The following JAZF1 variants were observed in gnomAD, a reference collection of about 807,000 sequenced individuals.
JAZF1 encodes JAZF zinc finger 1, also known as juxtaposed with another zinc finger protein 1.
JAZF1 carries 8 observed loss-of-function variants against 26.4 expected under a neutral mutation model. That is an observed-to-expected ratio of 0.30 (90% CI 0.18 to 0.55). The LOEUF (loss-of-function observed/expected upper bound fraction) is 0.55, where lower values mean the gene tolerates loss of function less well. Among genes scored for constraint, JAZF1 ranks in the 20% least tolerant of loss-of-function variants. JAZF1 has a pLI of 0.94. For missense variants in JAZF1, 199 were observed against 322.0 expected (o/e 0.62, Z 2.92); for synonymous variants, 126 against 122.3 (o/e 1.03, Z -0.20).
intron 2 of JAZF1, among the ~76,000 whole-genome samples, chr7:27,919,715 C>T (rs1784498439): frequency 6.6e-6 from 1 of 152,212 alleles, no homozygotes; most frequent in African/African-American, 2.4e-5. Context: ...TATTTGACTA[C>T]AGGAGTGCTC....
intron 2 of JAZF1, among the ~76,000 whole-genome samples, chr7:27,934,524 G>A (rs1323673224): frequency 6.6e-6 from 1 of 151,962 alleles, no homozygotes; most frequent in Non-Finnish European, 1.5e-5. Flanking sequence ...ATATTACAGT[G>A]TACCAGATTG....
At chr7:27,957,407 C>G (rs6968677) in intron 2 of JAZF1, among the ~76,000 whole-genome samples, 143,893 of 152,306 alleles carry the variant, frequency 0.94, 68,026 homozygotes, top group East Asian at 1. Flanking sequence ...GCAATACCTC[C>G]AGGTAGTTCA....
At chr7:27,893,170 G>A (rs143576208) in intron 3 of JAZF1, among the ~76,000 whole-genome samples, 12 of 152,200 alleles carry the variant, frequency 7.9e-5, no homozygotes, top group South Asian at 6.2e-4. Flanking sequence ...TTAAAGCCCC[G>A]AATTAAAGAA....
intron 1 of JAZF1, among the ~76,000 whole-genome samples, chr7:28,088,357 T>C (rs1021148218): frequency 4.6e-5 from 7 of 152,360 alleles, no homozygotes; most frequent in Admixed American, 2.0e-4. Flanking sequence ...GCTTTCTTAC[T>C]GGCTCCCTGT....
intron 1 of JAZF1, among the ~76,000 whole-genome samples, chr7:28,104,215 C>T (rs568379168): frequency 6.6e-6 from 1 of 152,272 alleles, no homozygotes; most frequent in South Asian, 2.1e-4. Flanking sequence ...TGTGACAACC[C>T]CACACTCCCC....
chr7:27,843,425 C>G (rs376959995), intron 3 of JAZF1: 3 of 152,190 alleles, frequency 2.0e-5, no homozygotes, highest in African/African-American at 7.2e-5. Context: ...GTATAGAATA[C>G]CTGGGATAGG....
At chr7:27,925,988 T>C (rs1317609291) in intron 2 of JAZF1, among the ~76,000 whole-genome samples, 1 of 152,120 alleles carries the variant, frequency 6.6e-6, no homozygotes, top group East Asian at 1.9e-4. Context: ...AGCTGAATAC[T>C]TGGAAGGAAG....
At chr7:28,038,914 T>A (rs558421180) in intron 1 of JAZF1, among the ~76,000 whole-genome samples, 15 of 152,288 alleles carry the variant, frequency 9.8e-5, no homozygotes, top group Admixed American at 2.6e-4. Context: ...GTATGAACTG[T>A]TCCTTTTATC....
At chr7:28,136,972 G>A (rs544294774) in intron 1 of JAZF1, among the ~76,000 whole-genome samples, 2 of 152,296 alleles carry the variant, frequency 1.3e-5, no homozygotes, top group East Asian at 3.9e-4. Flanking sequence ...AAATAGCAAT[G>A]GCCAATGCTG....
At position 28,180,568 on chromosome 7, in the gene JAZF1, T is replaced by C. The variant is rs201758844; in HGVS notation, c.10A>G (p.Ile4Val). 6.0e-5 allele frequency: 95 copies of C among 1,593,800 alleles called. No individual in the cohort carries two copies. The highest frequency in any genetic ancestry group is 3.0e-4 in the East Asian group (13 of 43,770). Residue 4 changes from isoleucine to valine, a missense_variant, in exon 1 of 5, where the codon ATC becomes GTC. Coordinates refer to ENST00000283928, the MANE Select transcript of JAZF1 (RefSeq NM_175061.4). ...TTGGAGAAGAAGGAGGCGGCGGCGA[T>C]GCCTGTCATGGTGCTACATCGAGAG... MTG[I>V]AAASFFSNTC... is the part of the protein sequence containing the mutation.
At chr7:28,060,497 G>C (rs1165512949) in intron 1 of JAZF1, among the ~76,000 whole-genome samples, 1 of 152,114 alleles carries the variant, frequency 6.6e-6, no homozygotes, top group Non-Finnish European at 1.5e-5. Flanking sequence ...CTACCAACCT[G>C]GTACCATTTT....
chr7:27,964,146 GT>G (rs1785233490), intron 2 of JAZF1, among the ~76,000 whole-genome samples: 1 of 152,012 alleles, frequency 6.6e-6, no homozygotes, highest in Non-Finnish European at 1.5e-5. Flanking sequence ...CACAAAAATT[GT>G]TACAAAAATT....
intron 1 of JAZF1, among the ~76,000 whole-genome samples, chr7:28,133,757 A>G (rs112905842): frequency 3.9e-5 from 6 of 152,174 alleles, no homozygotes; most frequent in African/African-American, 1.4e-4. Flanking sequence ...TTCCTCTAAC[A>G]GGTCAACTTG....
chr7:28,115,499 A>T (rs1343091133), intron 1 of JAZF1, among the ~76,000 whole-genome samples: 2 of 152,224 alleles, frequency 1.3e-5, no homozygotes, highest in African/African-American at 4.8e-5. Flanking sequence ...CACTACAGCT[A>T]ATACAAGACC....
At chr7:27,833,789 T>C (rs1254243527) in intron 4 of JAZF1, among the ~76,000 whole-genome samples, 1 of 152,190 alleles carries the variant, frequency 6.6e-6, no homozygotes, top group Non-Finnish European at 1.5e-5. Flanking sequence ...ATATTCTATG[T>C]AAGATTCCGT....
intron 1 of JAZF1, among the ~76,000 whole-genome samples, chr7:28,015,715 G>C (rs1232221644): frequency 1.3e-5 from 2 of 152,186 alleles, no homozygotes; most frequent in East Asian, 3.8e-4. Context: ...CATGTGTTTA[G>C]ATAAGGATAC....
At chr7:28,002,327 G>C (rs1177378130) in intron 1 of JAZF1, among the ~76,000 whole-genome samples, 1 of 152,114 alleles carries the variant, frequency 6.6e-6, no homozygotes, top group Non-Finnish European at 1.5e-5. Flanking sequence ...TGAAAGACGG[G>C]GGGGAAAAAA....
intron 2 of JAZF1, among the ~76,000 whole-genome samples, chr7:27,950,843 A>G (rs1392767681): frequency 6.6e-6 from 1 of 152,144 alleles, no homozygotes; most frequent in African/African-American, 2.4e-5. Context: ...ATAGGACACA[A>G]AATAATTACA....
At chr7:28,079,452 A>C (rs902613347) in intron 1 of JAZF1, among the ~76,000 whole-genome samples, 1 of 152,212 alleles carries the variant, frequency 6.6e-6, no homozygotes, top group African/African-American at 2.4e-5. Context: ...ACACTGATAT[A>C]GAATAAGAAA....
Sources: gnomAD v4.1 joint callset for allele counts (sites outside exome capture counted in the v4.1 genomes callset) on GRCh38, gnomAD v4.1.1 for gene constraint, MANE v1.5 for transcripts, NCBI Gene and HGNC (gene_info 2026-07-23, HGNC 2026-07-21) for gene names.